Variants in TRMT2B observed in about 807,000 individuals in gnomAD.
TRMT2B encodes tRNA (uracil-5-)-methyltransferase homolog B.
In TRMT2B, 34 loss-of-function variants were observed where a neutral mutation model predicts 39.7. The observed-to-expected ratio is 0.86, with a 90% confidence interval of 0.65 to 1.14. TRMT2B has a LOEUF of 1.14. Ranked by LOEUF, TRMT2B falls within the 50% of genes most tolerant of loss-of-function variation. TRMT2B has a pLI of 0.00. For missense variants in TRMT2B, 318 were observed against 377.2 expected (o/e 0.84, Z 1.30); for synonymous variants, 132 against 137.3 (o/e 0.96, Z 0.27).
At chrX:100,986,714 T>G in the TRMT2B span, 2 of 606,117 alleles carry the variant, frequency 3.3e-6, no homozygotes, top group Non-Finnish European at 5.2e-6. Flanking sequence ...TCTCCTCCTC[T>G]TTCCCTTCTT....
At chrX:100,983,787 T>C in the TRMT2B span, among the ~76,000 whole-genome samples, 9 of 112,018 alleles carry the variant, frequency 8.0e-5, no homozygotes, top group Non-Finnish European at 1.5e-4. Context: ...AGAGATGTTA[T>C]GAAAATCACA....
chrX:100,992,487 C>T, the TRMT2B span, among the ~76,000 whole-genome samples: 2 of 110,601 alleles, frequency 1.8e-5, no homozygotes, highest in Non-Finnish European at 3.8e-5. Context: ...AGGCTGCGGT[C>T]GGAGAATCGC....
the TRMT2B span, among the ~76,000 whole-genome samples, chrX:100,991,713 A>G: frequency 1.8e-5 from 2 of 111,835 alleles, no homozygotes; most frequent in Non-Finnish European, 3.8e-5. Context: ...CTTATTCACA[A>G]CAACCCTTGG....
chrX:101,049,253 G>A (rs73565066), intron 2 of TRMT2B, among the ~76,000 whole-genome samples: 5,001 of 110,056 alleles, frequency 0.045, 314 homozygotes, highest in African/African-American at 0.16. Flanking sequence ...CAGCACTTTG[G>A]GAGACCAAGG....
the TRMT2B span, among the ~76,000 whole-genome samples, chrX:100,980,682 G>A: frequency 8.9e-6 from 1 of 111,936 alleles, no homozygotes; most frequent in Non-Finnish European, 1.9e-5. Context: ...CACCACTGCT[G>A]AAAATGTGCT....
intron 7 of TRMT2B, among the ~76,000 whole-genome samples, chrX:101,025,282 A>G (rs1212973975): frequency 9.0e-6 from 1 of 111,535 alleles, no homozygotes; most frequent in Non-Finnish European, 1.9e-5. Flanking sequence ...CATCATTTCT[A>G]TATTTTTTCA....
At chrX:100,995,748 C>G in the TRMT2B span, among the ~76,000 whole-genome samples, 1 of 111,961 alleles carries the variant, frequency 8.9e-6, no homozygotes, top group South Asian at 3.7e-4. Flanking sequence ...GTTACACAGC[C>G]ATTAAAGATG....
intron 6 of TRMT2B, among the ~76,000 whole-genome samples, chrX:101,036,475 T>C (rs1602631796): frequency 1.0e-5 from 1 of 98,815 alleles, no homozygotes; most frequent in Non-Finnish European, 2.0e-5. Context: ...AGCTCAGGAA[T>C]GGAATCTGGG....
chrX:101,045,271 A>G (rs1049518891), intron 2 of TRMT2B, among the ~76,000 whole-genome samples: 1 of 108,775 alleles, frequency 9.2e-6, no homozygotes, highest in African/African-American at 3.4e-5. Flanking sequence ...CCTAACCAAC[A>G]TGGAGAAACC....
At position 101,021,236 on chromosome X, in the gene TRMT2B, T is replaced by C; in HGVS notation, c.931A>G (p.Ser311Gly). The C allele has an allele frequency of 8.3e-7, 1 of 1,211,405 alleles. No homozygotes were observed. The highest frequency in any genetic ancestry group is 1.8e-5 in the South Asian group (1 of 56,985). Residue 311 changes from serine (S) to glycine (G), a missense_variant, in exon 10 of 14, where the codon AGC (serine) becomes GGC (glycine). By Grantham distance (56) the Ser-to-Gly change is moderately conservative. Coordinates refer to ENST00000372936, the MANE Select transcript of TRMT2B (RefSeq NM_024917.6). ...TCTGGAGAGATGCGGATCTTCAAGC[T>C]CAGAAGTTCTTCAAAGATGTAGGGT... ...GEPYIFEELL[S>G]LKIRISPDAF...
chrX:100,977,754 C>A, the TRMT2B span, among the ~76,000 whole-genome samples: 1 of 112,133 alleles, frequency 8.9e-6, no homozygotes, highest in Admixed American at 9.4e-5. Flanking sequence ...TGAGAACATA[C>A]GAAATTTATC....
At chrX:100,983,231 G>A in the TRMT2B span, among the ~76,000 whole-genome samples, 4 of 110,726 alleles carry the variant, frequency 3.6e-5, no homozygotes, top group African/African-American at 1.3e-4. Context: ...TGAAGGAACT[G>A]GTAAGGTTTC....
the TRMT2B span, chrX:100,973,710 C>A: frequency 7.4e-6 from 9 of 1,209,742 alleles, no homozygotes; most frequent in Non-Finnish European, 8.9e-6. Flanking sequence ...TTTTGTCCTC[C>A]TGCTGCTCTT....
rs1398015381 is a variant in TRMT2B, at chrX:101,030,988, T to C, written c.609+4625A>G. ...TCAAAGCCTCACTATTTTTTTTTTTTTGACACAGGGTCTTGCTCTATCGCC... is the reference window on the plus strand; with the variant it reads ...TCAAAGCCTCACTATTTTTTTTTTTCTGACACAGGGTCTTGCTCTATCGCC... On this transcript the variant is annotated intron_variant, in intron 7 of 13. Transcript: ENST00000372936. Among the ~76,000 whole-genome samples, 7 of 110,294 alleles carry C rather than the reference T, an allele frequency of 6.3e-5. No individual in the cohort carries two copies. The Admixed American group carries it at 6.8e-4, about 11-fold the overall frequency.
chrX:100,998,107 A>C, the TRMT2B span, among the ~76,000 whole-genome samples: 1 of 109,491 alleles, frequency 9.1e-6, no homozygotes, highest in Non-Finnish European at 1.9e-5. Flanking sequence ...TAAAAATACA[A>C]AAATTAGCCG....
chrX:101,049,678 A>G (rs2088935341), intron 2 of TRMT2B, among the ~76,000 whole-genome samples: 1 of 108,472 alleles, frequency 9.2e-6, no homozygotes, highest in Non-Finnish European at 1.9e-5. Context: ...CTATAATCCC[A>G]GCTACTCAGC....
chrX:100,975,529 G>A, the TRMT2B span, among the ~76,000 whole-genome samples: 3 of 111,396 alleles, frequency 2.7e-5, no homozygotes, highest in Non-Finnish European at 5.6e-5. Flanking sequence ...TTAGCCTGTG[G>A]CCTTTTAGCA....
intron 7 of TRMT2B, among the ~76,000 whole-genome samples, chrX:101,028,294 T>C (rs1307819445): frequency 9.2e-6 from 1 of 108,886 alleles, no homozygotes; most frequent in East Asian, 2.9e-4. Flanking sequence ...AATTTTTTTA[T>C]TTTTAGTAGA....
At chrX:101,017,266 CTTAT>C (rs1402440337) in intron 13 of TRMT2B, among the ~76,000 whole-genome samples, 2 of 111,545 alleles carry the variant, frequency 1.8e-5, no homozygotes, top group African/African-American at 3.3e-5. Context: ...GTTGATTAGG[CTTAT>C]TTATTTAATT....
Sources: gnomAD v4.1 joint callset for allele counts (sites outside exome capture counted in the v4.1 genomes callset) on GRCh38, gnomAD v4.1.1 for gene constraint, MANE v1.5 for transcripts, NCBI Gene and HGNC (gene_info 2026-07-23, HGNC 2026-07-21) for gene names.